The following TEX48 variants were observed in gnomAD, a reference collection of about 807,000 sequenced individuals.
TEX48 encodes testis expressed 48.
A neutral mutation model predicts 13.2 loss-of-function variants in TEX48; 10 were observed. That is an observed-to-expected ratio of 0.75 (90% CI 0.47 to 1.28). TEX48 has a LOEUF of 1.28. TEX48 is among the 50% of genes most tolerant of loss of function. The pLI, the probability that TEX48 is intolerant of heterozygous loss-of-function variation, is 0.00. For synonymous variants in TEX48, 45 were observed against 52.3 expected, an observed-to-expected ratio of 0.86 and a Z score of 0.60; for missense variants, 116 against 139.4, an observed-to-expected ratio of 0.83 and a Z score of 0.84.
intron 1 of TEX48, among the ~76,000 whole-genome samples, chr9:114,677,883 A>G (rs1164535676): frequency 6.6e-6 from 1 of 151,928 alleles, no homozygotes. Flanking sequence ...ACTGTTTATC[A>G]ATTGTAGCGT....
intron 3 of TEX48, among the ~76,000 whole-genome samples, chr9:114,671,039 T>A (rs1164365120): frequency 6.6e-6 from 1 of 152,194 alleles, no homozygotes; most frequent in Non-Finnish European, 1.5e-5. Context: ...TAGTCTTTAA[T>A]CCAGTGCTTC....
chr9:114,679,122 A>T (rs1316910669), intron 1 of TEX48, among the ~76,000 whole-genome samples: 1 of 152,066 alleles, frequency 6.6e-6, no homozygotes, highest in Non-Finnish European at 1.5e-5. Context: ...ATTCTGGGGC[A>T]AACAAAAAGT....
rs1827850604 is a variant in TEX48 at position 114,666,820 on chromosome 9, T to A, written c.260-74A>T. 4.0e-6 allele frequency: 3 copies of A among 748,130 alleles called. No homozygotes were observed. The South Asian group carries it at 5.0e-5, about 13-fold the overall frequency. The allele number at this position is 748,130 out of a possible 1,614,324, so 46.3% of individuals were successfully genotyped here. A position where few individuals can be genotyped will look rare whatever the true frequency, so the allele number is the denominator to read the frequency against. On this transcript the variant is annotated intron_variant, in intron 4 of 4. Transcript: ENST00000436752. ...GGCTTTGATGAACTGTTTTGGTTGT[T>A]TGTATCCATTGCTGATCATTCCTCA...
In TEX48 at chr9:114,671,766, G is replaced by C; in HGVS notation, c.-43C>G. The C allele has an allele frequency of 6.5e-7, 1 of 1,535,222 alleles. No homozygotes were observed. Among genetic ancestry groups the C allele is most frequent in the Non-Finnish European group, 8.7e-7 (1 of 1,146,536 alleles). ...TCTACTCTGCCAGCTTTGTCTGCAG[G>C]GGTGCCTTGTTGAATCAGCCAGTCT... On this transcript the variant is annotated 5_prime_UTR_variant, in exon 2 of 5. Transcript: ENST00000436752.
rs1432082458 is a variant in TEX48, at chr9:114,666,644, C to A, written c.362G>T (p.Ter121LeuextTer3). Residue 121 changes from the stop codon to leucine, a stop_lost, in exon 5 of 5, where the codon TGA becomes TTA. Transcript: ENST00000436752. Reference sequence around the variant, plus strand: ...CTGTGCAGCCGCCGGCTAGAATGCTCAGGGCCTCCCAGTGAGGCATGGCTG... The same window carrying A: ...CTGTGCAGCCGCCGGCTAGAATGCTAAGGGCCTCCCAGTGAGGCATGGCTG... ...PFQPCLTGRP[*>L] 5 of 1,521,158 alleles carry A rather than the reference C, an allele frequency of 3.3e-6. No homozygotes were observed. In the Admixed American group the frequency reaches 8.0e-5, roughly 24 times the overall value. The allele number at this position is 1,521,158 out of a possible 1,614,324, so 94.2% of individuals were successfully genotyped here.
chr9:114,671,915 A>G, intron 1 of TEX48, 88 bp from the exon 2 acceptor site: 1 of 628,520 alleles, frequency 1.6e-6, no homozygotes, highest in South Asian at 1.9e-5. Flanking sequence ...GCAAAATCCC[A>G]CCTCATGCAG....
intron 1 of TEX48, among the ~76,000 whole-genome samples, chr9:114,673,596 C>A (rs12115626): frequency 0.086 from 13,057 of 151,494 alleles, 764 homozygotes; most frequent in African/African-American, 0.17. Context: ...AAACTGTAAA[C>A]CTTTCACTTC....
intron 1 of TEX48, among the ~76,000 whole-genome samples, chr9:114,673,386 G>A (rs991310998): frequency 1.0e-4 from 15 of 149,778 alleles, no homozygotes; most frequent in Non-Finnish European, 2.1e-4. Context: ...CAGGAGAATC[G>A]CTTGAACCCT....
chr9:114,674,666 C>CT (rs1554764697), intron 1 of TEX48, among the ~76,000 whole-genome samples: 3 of 37,034 alleles, frequency 8.1e-5, no homozygotes, highest in Non-Finnish European at 1.5e-4. Context: ...TCCTTCCTTC[C>CT]TTCTTTCCTT....
At chr9:114,669,135 C>G (rs1210504685) in intron 3 of TEX48, among the ~76,000 whole-genome samples, 1 of 152,194 alleles carries the variant, frequency 6.6e-6, no homozygotes, top group South Asian at 2.1e-4. Flanking sequence ...GCCATCTCAC[C>G]CAGCCCTGCA....
rs187402508 is a variant in TEX48 at position 114,669,504 on chromosome 9, C to T, written c.128-1167G>A. On this transcript the variant is annotated intron_variant, in intron 3 of 4. Transcript: ENST00000436752. ...TTGCCCAGGCTGGAGTGCGATGGCA[C>T]GATCTCGGCTCACCGCAACCTCCAC... is the stretch of plus-strand genomic sequence containing the variant. Among the ~76,000 whole-genome samples, 1,196 of 151,938 alleles carry T rather than the reference C, an allele frequency of 7.9e-3. 9 individuals are homozygous for T. The highest frequency in any genetic ancestry group is 0.013 in the Non-Finnish European group (852 of 67,948).
At chr9:114,673,289 A>G (rs970026726) in intron 1 of TEX48, among the ~76,000 whole-genome samples, 3 of 152,082 alleles carry the variant, frequency 2.0e-5, no homozygotes, top group Admixed American at 1.3e-4. Flanking sequence ...CCTGACCAAC[A>G]TGGAGAAACC....
At chr9:114,676,207 G>A (rs191359985) in intron 1 of TEX48, among the ~76,000 whole-genome samples, 33 of 151,786 alleles carry the variant, frequency 2.2e-4, no homozygotes, top group African/African-American at 5.6e-4. Context: ...TCTGACACCC[G>A]TGCTGGACTG....
chr9:114,675,189 G>C (rs553945793), intron 1 of TEX48, among the ~76,000 whole-genome samples: 57 of 152,286 alleles, frequency 3.7e-4, no homozygotes, highest in African/African-American at 1.3e-3. Context: ...ATTTATTCTT[G>C]TCTTGAGTAA....
rs75820788 is a variant in TEX48 at position 114,668,156 on chromosome 9, C to T, written c.259+50G>A. ...GGGGTCTGGTTATTAGGACCAGGCTCCCTGTCTGGGAGTTTCTGGTCAGTG... is the reference window on the plus strand; with the variant it reads ...GGGGTCTGGTTATTAGGACCAGGCTTCCTGTCTGGGAGTTTCTGGTCAGTG... On this transcript the variant is annotated intron_variant, in intron 4 of 4. Coordinates refer to ENST00000436752, the MANE Select transcript of TEX48 (RefSeq NM_001199233.2). The T allele has an allele frequency of 1.4e-5, 22 of 1,532,852 alleles. No individual in the cohort carries two copies. The East Asian group carries it at 4.4e-4, about 31-fold the overall frequency. 95.0% of individuals were successfully genotyped at this position (1,532,852 alleles called of 1,614,324 possible).
rs187105274 is a variant in TEX48 at position 114,680,058 on chromosome 9, A to G, written c.-105+1977T>C. ...GGTAGATGGTCATGCCAGGGAAATC[A>G]TGGGGCATGACTCCAGAGAGGCTTT... On this transcript the variant is annotated intron_variant, in intron 1 of 4. Transcript: ENST00000436752. 1.1e-3 allele frequency among the ~76,000 whole-genome samples: 168 copies of G among 150,852 alleles called. 1 individual carries two copies. The highest frequency in any genetic ancestry group is 4.0e-3 in the African/African-American group (163 of 41,038).
At chr9:114,674,263 TCAATTCCTCCAATTCCC>T (rs148436239) in intron 1 of TEX48, among the ~76,000 whole-genome samples, 11,447 of 152,182 alleles carry the variant, frequency 0.075, 559 homozygotes, top group Non-Finnish European at 0.099. Context: ...AACTCTGTCT[TCAATTCCTCCAATTCCC>T]CAATTCCATT....
At chr9:114,671,889 A>G (rs1047418615) in intron 1 of TEX48, 62 bp from the exon 2 acceptor site, 17 of 716,284 alleles carry the variant, frequency 2.4e-5, no homozygotes, top group Non-Finnish European at 3.3e-5. Context: ...CACACTCCAG[A>G]TAGGATCTAA....
At position 114,666,683 on chromosome 9, in the gene TEX48, T is replaced by A; in HGVS notation, c.323A>T (p.Glu108Val). The A allele has an allele frequency of 1.3e-6, 2 of 1,535,340 alleles. No individual in the cohort carries two copies. The highest frequency in any genetic ancestry group is 1.7e-6 in the Non-Finnish European group (2 of 1,146,620). The change falls in exon 5 of 5, where the codon GAG becomes GTG. Residue 108 changes from glutamate to valine, a missense_variant. Physicochemically the swap from Glu to Val is moderately radical, Grantham distance 121. Coordinates refer to ENST00000436752, the MANE Select transcript of TEX48 (RefSeq NM_001199233.2). ...YKRNLNRYCQ[E>V]HWPFQPCLTG... ...GAGGCATGGCTGGAATGGCCAGTGC[T>A]CCTGGCAGTAGCGGTTTAAGTTTCT...
Sources: gnomAD v4.1 joint callset for allele counts (sites outside exome capture counted in the v4.1 genomes callset) on GRCh38, gnomAD v4.1.1 for gene constraint, MANE v1.5 for transcripts, NCBI Gene and HGNC (gene_info 2026-07-23, HGNC 2026-07-21) for gene names.